ZNF746: variants seen among roughly 807,000 people sequenced by gnomAD.
ZNF746 encodes the protein zinc finger protein 746, also known as parkin-interacting substrate.
Under a neutral mutation model 41.0 loss-of-function variants are expected in ZNF746, and 13 were observed. That is an observed-to-expected ratio of 0.32 (90% CI 0.21 to 0.50). The LOEUF (loss-of-function observed/expected upper bound fraction) is 0.50, where lower values mean the gene tolerates loss of function less well. Ranked by LOEUF, ZNF746 falls within the 20% of genes least tolerant of loss-of-function variation. The probability of loss-of-function intolerance (pLI) is 0.98; values close to 1 mark genes in which losing one functional copy is unlikely to be tolerated. For missense variants in ZNF746, 811 were observed against 922.9 expected (o/e 0.88, Z 1.57); for synonymous variants, 424 against 396.2 (o/e 1.07, Z -0.83).
rs779276908 is a variant in ZNF746, at chr7:149,494,166, C to G, written c.324+38G>C. On this transcript the variant is annotated intron_variant, in intron 2 of 6. Transcript: ENST00000458143. The surrounding 1 kb of genome is among the most constrained non-coding windows in gnomAD (Gnocchi z 5.6). ...TCACCCACACGCTCACGGGTTTGGC[C>G]GCTTGGGCTCCCACACCCCAAGGCG... 1 of 1,613,620 alleles carries G rather than the reference C, an allele frequency of 6.2e-7. No individual in the cohort carries two copies. Among genetic ancestry groups the G allele is most frequent in the African/African-American group, 1.3e-5 (1 of 74,922 alleles).
intron 1 of ZNF746, chr7:149,496,908 G>A: frequency 1.0e-6 from 1 of 985,358 alleles, no homozygotes; most frequent in Non-Finnish European, 1.2e-6. Context: ...GGGTAAGCCT[G>A]GGCAAGTTAA....
At position 149,497,648 on chromosome 7, in the gene ZNF746, T is replaced by C; in HGVS notation, c.-112A>G. The C allele has an allele frequency of 3.6e-6, 3 of 838,708 alleles. No homozygotes were observed. The highest frequency in any genetic ancestry group is 4.3e-6 in the Non-Finnish European group (3 of 691,932). 52.0% of individuals were successfully genotyped at this position (838,708 alleles called of 1,614,324 possible). A position where few individuals can be genotyped will look rare whatever the true frequency, so the allele number is the denominator to read the frequency against. Reference sequence around the variant, plus strand: ...CTCCGCAGGCGGCGCCTGCCTGGCCTTTCCTCTGCCGCCGCTCCTCGCTGG... The same window carrying C: ...CTCCGCAGGCGGCGCCTGCCTGGCCCTTCCTCTGCCGCCGCTCCTCGCTGG... On this transcript the variant is annotated 5_prime_UTR_variant, in exon 1 of 7. Transcript: ENST00000458143. This position sits in a 1 kb window ranked among gnomAD's most constrained non-coding sequence, Gnocchi z 4.2.
intron 6 of ZNF746, 54 bp downstream of exon 6, chr7:149,476,868 G>A: frequency 1.9e-6 from 3 of 1,612,120 alleles, no homozygotes; most frequent in Non-Finnish European, 1.7e-6. Context: ...CCTGGACCGA[G>A]GTACTCCCCA....
chr7:149,497,625 C>A lies in ZNF746; in HGVS notation c.-89G>T, dbSNP rs1801056660. The A allele has an allele frequency of 1.0e-6, 1 of 969,636 alleles. No individual in the cohort carries two copies. The highest frequency in any genetic ancestry group is 4.6e-5 in the South Asian group (1 of 21,582). 60.1% of individuals were successfully genotyped at this position (969,636 alleles called of 1,614,324 possible). A position where few individuals can be genotyped will look rare whatever the true frequency, so the allele number is the denominator to read the frequency against. On this transcript the variant is annotated 5_prime_UTR_variant, in exon 1 of 7. Coordinates refer to ENST00000458143, the MANE Select transcript of ZNF746 (RefSeq NM_001394198.1). This position sits in a 1 kb window ranked among gnomAD's most constrained non-coding sequence, Gnocchi z 4.2. ...CGCAGGCCCGGCCGCCCGGTGCTCT[C>A]CGCAGGCGGCGCCTGCCTGGCCTTT...
At chr7:149,478,081 G>C (rs1336214924) in intron 4 of ZNF746, among the ~76,000 whole-genome samples, 1 of 152,136 alleles carries the variant, frequency 6.6e-6, no homozygotes, top group South Asian at 2.1e-4. Context: ...CACAAGAAAT[G>C]CTGAACAAAA....
At position 149,493,979 on chromosome 7, in the gene ZNF746, C is replaced by A. The variant is rs577470629; in HGVS notation, c.451+10G>T. On this transcript the variant is annotated intron_variant, in intron 3 of 6. Transcript: ENST00000458143. ...TCCCATTTAACAGAGAAATGAGTGT[C>A]AGGCCTTACCCAGGGAGACCAGCGT... is the stretch of plus-strand genomic sequence containing the variant. 4.3e-6 allele frequency: 7 copies of A among 1,614,088 alleles called. No homozygotes were observed. In the South Asian group the frequency reaches 7.7e-5, roughly 18 times the overall value.
At chr7:149,491,528 T>A (rs767664418) in intron 4 of ZNF746, 6 of 289,596 alleles carry the variant, frequency 2.1e-5, no homozygotes, top group Non-Finnish European at 4.1e-5. Flanking sequence ...TTCAGCACTG[T>A]CCTTGACGCC....
At position 149,473,834 on chromosome 7, in the gene ZNF746, TCCTTCCTGCTGC is replaced by T. The variant is rs1470943177; in HGVS notation, c.*538_*549del. On this transcript the variant is annotated 3_prime_UTR_variant, in exon 7 of 7. Transcript: ENST00000458143. ...AATGCAACCGCTACTCCCGGAGGGG[TCCTTCCTGCTGC>T]ACTGAGGTGTGCTCCAAGGGACCCA... 1 of 156,102 alleles carries T rather than the reference TCCTTCCTGCTGC, an allele frequency of 6.4e-6. No individual in the cohort carries two copies. Among genetic ancestry groups the T allele is most frequent in the African/African-American group, 2.4e-5 (1 of 41,340 alleles). 9.7% of individuals were successfully genotyped at this position (156,102 alleles called of 1,614,324 possible). A position where few individuals can be genotyped will look rare whatever the true frequency, so the allele number is the denominator to read the frequency against.
At position 149,497,571 on chromosome 7, in the gene ZNF746, C is replaced by A; in HGVS notation, c.-35G>T. 9.5e-7 allele frequency: 1 copy of A among 1,050,140 alleles called. No individual in the cohort carries two copies. Among genetic ancestry groups the A allele is most frequent in the Non-Finnish European group, 1.1e-6 (1 of 875,410 alleles). 65.1% of individuals were successfully genotyped at this position (1,050,140 alleles called of 1,614,324 possible). ...CTGTCCCGCCCGGCCCGGAGGAAGT[C>A]GTCGTCGCCGCCGCCGCGCGCGGCA... is the stretch of plus-strand genomic sequence containing the variant. On this transcript the variant is annotated 5_prime_UTR_variant, in exon 1 of 7. Coordinates refer to ENST00000458143, the MANE Select transcript of ZNF746 (RefSeq NM_001394198.1). The surrounding 1 kb of genome is among the most constrained non-coding windows in gnomAD (Gnocchi z 4.2).
intron 4 of ZNF746, among the ~76,000 whole-genome samples, chr7:149,492,407 ATG>A (rs1800833947): frequency 6.6e-6 from 1 of 152,250 alleles, no homozygotes; most frequent in Non-Finnish European, 1.5e-5. Context: ...CATACAAAAT[ATG>A]TGTTATTGAC....
At position 149,474,551 on chromosome 7, in the gene ZNF746, C is replaced by T. The variant is rs1352315583; in HGVS notation, c.1816G>A (p.Ala606Thr). ...CCTCGGGCCGGGGTCTTGGCGCCCG[C>T]TGCATGGTTGCGCTGGTGCTTGCGG... ...HLRKHQRNHA[A>T]GAKTPARGQP... The change falls in exon 7 of 7, where the codon GCG (alanine) becomes ACG (threonine). Residue 606 changes from alanine to threonine, a missense_variant. Physicochemically the swap from Ala to Thr is moderately conservative, Grantham distance 58. Around this residue, in one of 4 missense-constraint regions of ZNF746, gnomAD observed 99 missense variants for 80.3 expected, o/e 1.23. Coordinates refer to ENST00000458143, the MANE Select transcript of ZNF746 (RefSeq NM_001394198.1). The surrounding 1 kb of genome is among the most constrained non-coding windows in gnomAD (Gnocchi z 6.3). 1 of 1,609,348 alleles carries T rather than the reference C, an allele frequency of 6.2e-7. No individual in the cohort carries two copies. The highest frequency in any genetic ancestry group is 8.5e-7 in the Non-Finnish European group (1 of 1,177,970).
At chr7:149,478,318 G>A (rs1800380863) in intron 4 of ZNF746, among the ~76,000 whole-genome samples, 1 of 152,196 alleles carries the variant, frequency 6.6e-6, no homozygotes, top group African/African-American at 2.4e-5. Flanking sequence ...CTGAAGCCAG[G>A]AGTCATAGGC....
chr7:149,479,000 T>C (rs1800404972), intron 4 of ZNF746, among the ~76,000 whole-genome samples: 1 of 151,836 alleles, frequency 6.6e-6, no homozygotes, highest in South Asian at 2.1e-4. Flanking sequence ...AGATAAAGAA[T>C]GAAAAATATG....
At chr7:149,488,240 A>T (rs2116472631) in intron 4 of ZNF746, 1 of 152,360 alleles carries the variant, frequency 6.6e-6, no homozygotes, top group East Asian at 1.9e-4. Flanking sequence ...ACAAATTTTA[A>T]TTCTAGATAA....
chr7:149,474,629 G>A lies in ZNF746; in HGVS notation c.1738C>T (p.Arg580Trp), dbSNP rs1198225347. Reference protein sequence around the residue: ...IDHYRTHTGVRPFTCTVCGKS... With the variant: ...IDHYRTHTGVWPFTCTVCGKS... ...CCGCAGACGGTGCAGGTGAAGGGCC[G>A]CACGCCCGTGTGCGTTCGGTAGTGG... Residue 580 changes from arginine (R) to tryptophan (W), a missense_variant, in exon 7 of 7, where the codon CGG becomes TGG. Coordinates refer to ENST00000458143, the MANE Select transcript of ZNF746 (RefSeq NM_001394198.1). This position sits in a 1 kb window ranked among gnomAD's most constrained non-coding sequence, Gnocchi z 6.3. 6.2e-7 allele frequency: 1 copy of A among 1,613,456 alleles called. No individual in the cohort carries two copies. Among genetic ancestry groups the A allele is most frequent in the African/African-American group, 1.3e-5 (1 of 75,040 alleles).
intron 4 of ZNF746, chr7:149,491,154 CAA>C (rs1800793159): frequency 6.6e-6 from 1 of 152,570 alleles, no homozygotes; most frequent in South Asian, 2.1e-4. Flanking sequence ...GCTTCTCAGA[CAA>C]AGGGGACAGG....
intron 4 of ZNF746, among the ~76,000 whole-genome samples, chr7:149,487,194 C>T (rs1800654860): frequency 6.6e-6 from 1 of 152,154 alleles, no homozygotes; most frequent in African/African-American, 2.4e-5. Context: ...CTCCCGGTCC[C>T]CCATTGGTGG....
Position 149,473,369 on chromosome 7 carries a change from A to G in ZNF746, c.*1015T>C, listed in dbSNP as rs541758657. On this transcript the variant is annotated 3_prime_UTR_variant, in exon 7 of 7. Transcript: ENST00000458143. ...TCCCCACTCATGGCACGCCACGTGT[A>G]CCCACAGTGAGAGGCTGAGGTGTGT... 6.6e-6 allele frequency: 1 copy of G among 152,328 alleles called. No individual in the cohort carries two copies. Among genetic ancestry groups the G allele is most frequent in the Admixed American group, 6.5e-5 (1 of 15,300 alleles). 9.4% of individuals were successfully genotyped at this position (152,328 alleles called of 1,614,324 possible).
At position 149,474,669 on chromosome 7, in the gene ZNF746, G is replaced by A; in HGVS notation, c.1698C>T (p.Arg566=). The A allele has an allele frequency of 6.2e-7, 1 of 1,613,460 alleles. No homozygotes were observed. The part of the protein sequence containing the change: ...CTECEKRFTE[R]SKLIDHYRTH... Reference sequence around the variant, plus strand: ...TTCGGTAGTGGTCGATGAGCTTGGAGCGTTCGGTGAAGCGCTTCTCACACT... The same window carrying A: ...TTCGGTAGTGGTCGATGAGCTTGGAACGTTCGGTGAAGCGCTTCTCACACT... The change falls in exon 7 of 7, where the codon CGC becomes CGT. Residue 566 remains arginine, a synonymous_variant. Transcript: ENST00000458143. This position sits in a 1 kb window ranked among gnomAD's most constrained non-coding sequence, Gnocchi z 6.3.
Sources: allele counts gnomAD v4.1 joint callset (sites outside exome capture counted in the v4.1 genomes callset), GRCh38; gene constraint gnomAD v4.1.1; regional missense constraint gnomAD v4.1.1; non-coding constraint Gnocchi (gnomAD v3.1); transcripts MANE v1.5; gene names NCBI Gene and HGNC (gene_info 2026-07-23, HGNC 2026-07-21).